The following ZNF763 variants were observed in gnomAD, a reference collection of about 807,000 sequenced individuals.
ZNF763 encodes zinc finger protein 763, also known as DNA-binding protein.
ZNF763 carries 33 observed loss-of-function variants against 38.0 expected under a neutral mutation model. The ratio of observed to expected loss-of-function variants is 0.87; its 90% CI spans 0.66 to 1.16. The LOEUF is 1.16. Ranked by LOEUF, ZNF763 falls within the 50% of genes most tolerant of loss-of-function variation. The pLI is 0.00. For missense variants in ZNF763, 423 were observed against 469.1 expected, an observed-to-expected ratio of 0.90 and a Z score of 0.91; for synonymous variants, 155 against 160.1, an observed-to-expected ratio of 0.97 and a Z score of 0.24.
rs746530126 is a variant in ZNF763, at chr19:11,979,147, T to C, written c.*38T>C. The C allele has an allele frequency of 6.2e-7, 1 of 1,612,408 alleles. No homozygotes were observed. The highest frequency in any genetic ancestry group is 1.1e-5 in the South Asian group (1 of 90,828). ...TGGGAAAGGCCTTTATTCTGCCAAG[T>C]CATTTCGAAGACATGAAAAAACTCA... On this transcript the variant is annotated 3_prime_UTR_variant, in exon 4 of 4. Coordinates refer to ENST00000358987, the MANE Select transcript of ZNF763 (RefSeq NM_001367172.2).
In ZNF763 at chr19:11,977,449, A is replaced by G. The variant is rs1200131368; in HGVS notation, c.191+18A>G. ...AACTTCAGGTAATTGGCACTTAAAG[A>G]GAAAGCAGTGTCTCTAGATGATTTT... On this transcript the variant is annotated intron_variant, in intron 3 of 3. Coordinates refer to ENST00000358987, the MANE Select transcript of ZNF763 (RefSeq NM_001367172.2). 6.2e-7 allele frequency: 1 copy of G among 1,613,212 alleles called. No homozygotes were observed. The highest frequency in any genetic ancestry group is 1.3e-5 in the African/African-American group (1 of 75,046).
intron 1 of ZNF763, among the ~76,000 whole-genome samples, chr19:11,966,623 C>G (rs1973234385): frequency 6.6e-6 from 1 of 152,166 alleles, no homozygotes; most frequent in African/African-American, 2.4e-5. Context: ...ATCCACCTGC[C>G]TCGGCCTCCC....
In ZNF763 at chr19:11,978,590, C is replaced by T. The variant is rs1462054151; in HGVS notation, c.666C>T (p.His222=). ...LRLYLIHERT[H]TGEKPYECKQ... The stretch of plus-strand genomic sequence containing the variant: ...TATATCTTATCCATGAAAGAACTCA[C>T]ACTGGAGAGAAACCGTATGAATGTA... Residue 222 remains histidine (H), a synonymous_variant, in exon 4 of 4, where the codon CAC becomes CAT. Transcript: ENST00000358987. 6.2e-7 allele frequency: 1 copy of T among 1,614,204 alleles called. No individual in the cohort carries two copies. The highest frequency in any genetic ancestry group is 2.2e-5 in the East Asian group (1 of 44,880).
chr19:11,966,874 AAC>A (rs1429281237), intron 1 of ZNF763, among the ~76,000 whole-genome samples: 1 of 152,144 alleles, frequency 6.6e-6, no homozygotes, highest in East Asian at 1.9e-4. Flanking sequence ...AAACAGGAAA[AAC>A]ACAGACTCTA....
intron 1 of ZNF763, among the ~76,000 whole-genome samples, chr19:11,975,934 T>C (rs567163992): frequency 6.6e-6 from 1 of 151,714 alleles, no homozygotes; most frequent in East Asian, 2.0e-4. Flanking sequence ...GAATGTCCCA[T>C]CTGCCCTTGT....
chr19:11,966,415 C>T (rs1207253033), intron 1 of ZNF763, among the ~76,000 whole-genome samples: 2 of 152,148 alleles, frequency 1.3e-5, no homozygotes, highest in Non-Finnish European at 2.9e-5. Context: ...CTTCTGTCGC[C>T]CAGGCTGGAG....
chr19:11,978,966 G>A lies in ZNF763; in HGVS notation c.1042G>A (p.Ala348Thr). 8.1e-6 allele frequency: 13 copies of A among 1,614,130 alleles called. No individual in the cohort carries two copies. Among genetic ancestry groups the A allele is most frequent in the Non-Finnish European group, 1.1e-5 (13 of 1,180,020 alleles). The change falls in exon 4 of 4, where the codon GCA becomes ACA. Residue 348 changes from alanine to threonine, a missense_variant. Physicochemically the swap from Ala to Thr is moderately conservative, Grantham distance 58 (BLOSUM62 0). Coordinates refer to ENST00000358987, the MANE Select transcript of ZNF763 (RefSeq NM_001367172.2). Reference protein sequence around the residue: ...KPYQCKECRKAFTYPSSLRRH... With the variant: ...KPYQCKECRKTFTYPSSLRRH... ...TTATCAATGTAAGGAATGTAGAAAA[G>A]CATTCACGTATCCCAGTTCCCTTCG... is the stretch of plus-strand genomic sequence containing the variant.
At chr19:11,972,412 G>A (rs1210302240) in intron 1 of ZNF763, among the ~76,000 whole-genome samples, 2 of 152,144 alleles carry the variant, frequency 1.3e-5, no homozygotes, top group African/African-American at 2.4e-5. Flanking sequence ...ATTTATTTTT[G>A]TATAAAGTGT....
chr19:11,973,834 C>T (rs911402186), intron 1 of ZNF763, among the ~76,000 whole-genome samples: 4 of 151,386 alleles, frequency 2.6e-5, no homozygotes, highest in Admixed American at 2.6e-4. Flanking sequence ...GTGTTCAGTT[C>T]ATTTAGGTTA....
chr19:11,969,629 C>G (rs933934551), intron 1 of ZNF763, among the ~76,000 whole-genome samples: 3 of 152,232 alleles, frequency 2.0e-5, no homozygotes, highest in African/African-American at 7.2e-5. Context: ...TCACATTCTC[C>G]AGGGCAACTG....
chr19:11,980,137 A>G lies in ZNF763; in HGVS notation c.*1028A>G, dbSNP rs565694920. On this transcript the variant is annotated 3_prime_UTR_variant, in exon 4 of 4. Transcript: ENST00000358987. ...GAAAACATGGTAGGACTCACACTGGATAGAAACCAAAGCAGGTGAATCACC... is the reference window on the plus strand; with the variant it reads ...GAAAACATGGTAGGACTCACACTGGGTAGAAACCAAAGCAGGTGAATCACC... 1.2e-3 allele frequency: 946 copies of G among 787,756 alleles called. 2 individuals carry two copies. Among genetic ancestry groups the G allele is most frequent in the Non-Finnish European group, 1.7e-3 (834 of 494,786 alleles). The allele number at this position is 787,756 out of a possible 1,614,324, so 48.8% of individuals were successfully genotyped here.
chr19:11,978,904 A>G lies in ZNF763; in HGVS notation c.980A>G (p.Tyr327Cys), dbSNP rs1367938394. 3 of 1,614,088 alleles carry G rather than the reference A, an allele frequency of 1.9e-6. No homozygotes were observed. The highest frequency in any genetic ancestry group is 2.2e-5 in the East Asian group (1 of 44,864). Reference protein sequence around the residue: ...CNKAFRSYRSYLRHKRSHTGE... With the variant: ...CNKAFRSYRSCLRHKRSHTGE... ...AAAGCATTCCGTAGTTACAGATCCT[A>G]TCTTAGACATAAAAGGAGTCACACG... is the stretch of plus-strand genomic sequence containing the variant. The change falls in exon 4 of 4, where the codon TAT becomes TGT. Residue 327 changes from tyrosine (Y) to cysteine (C), a missense_variant. Coordinates refer to ENST00000358987, the MANE Select transcript of ZNF763 (RefSeq NM_001367172.2).
intron 2 of ZNF763, 21 bp downstream of exon 2, chr19:11,977,185 T>C (rs1256442189): frequency 1.9e-5 from 31 of 1,613,298 alleles, no homozygotes; most frequent in Non-Finnish European, 2.4e-5. Context: ...CAATATTCCT[T>C]CCCTCAGTCC....
At chr19:11,976,378 G>C (rs11883386) in intron 1 of ZNF763, among the ~76,000 whole-genome samples, 27,597 of 151,264 alleles carry the variant, frequency 0.18, 5,450 homozygotes, top group African/African-American at 0.5. Context: ...ACCCCTTGTT[G>C]AGTTCTAGCA....
intron 1 of ZNF763, among the ~76,000 whole-genome samples, chr19:11,970,572 C>T (rs922185839): frequency 6.6e-6 from 1 of 152,042 alleles, no homozygotes; most frequent in Non-Finnish European, 1.5e-5. Context: ...ACCATTTGTC[C>T]CTGCTTTTTC....
chr19:11,974,387 A>T (rs542198508), intron 1 of ZNF763, among the ~76,000 whole-genome samples: 1 of 151,132 alleles, frequency 6.6e-6, no homozygotes, highest in South Asian at 2.1e-4. Context: ...AGTAGAGATG[A>T]CATTTTACCA....
rs142666703 is a variant in ZNF763 at position 11,966,466 on chromosome 19, T to A, written c.3+1255T>A. Among the ~76,000 whole-genome samples, 766 of 152,278 alleles carry A rather than the reference T, an allele frequency of 5.0e-3. 5 individuals carry two copies. Among genetic ancestry groups the A allele is most frequent in the African/African-American group, 0.018 (734 of 41,550 alleles). ...TCGGCTCACAGCAGCCTTTGCCTTCTGGGTTCAAGCAATTCTCCTGCCTCA... is the reference window on the plus strand; with the variant it reads ...TCGGCTCACAGCAGCCTTTGCCTTCAGGGTTCAAGCAATTCTCCTGCCTCA... On this transcript the variant is annotated intron_variant, in intron 1 of 3. Transcript: ENST00000358987.
intron 1 of ZNF763, among the ~76,000 whole-genome samples, chr19:11,971,467 C>G (rs1973349384): frequency 6.6e-6 from 1 of 152,146 alleles, no homozygotes; most frequent in Non-Finnish European, 1.5e-5. Context: ...ACCCTCCAAC[C>G]ATATTCTATA....
intron 1 of ZNF763, among the ~76,000 whole-genome samples, chr19:11,968,001 C>T (rs1397333047): frequency 6.6e-6 from 1 of 152,118 alleles, no homozygotes; most frequent in Non-Finnish European, 1.5e-5. Context: ...TTGGGACATC[C>T]GGATGTTCTG....
Sources: gnomAD v4.1 joint callset for allele counts (sites outside exome capture counted in the v4.1 genomes callset) on GRCh38, gnomAD v4.1.1 for gene constraint, MANE v1.5 for transcripts, NCBI Gene and HGNC (gene_info 2026-07-23, HGNC 2026-07-21) for gene names.